FER1L6: variants seen among roughly 807,000 people sequenced by gnomAD.
FER1L6 encodes the protein fer-1-like protein 6.
In FER1L6, 177 loss-of-function variants were observed where a neutral mutation model predicts 219.2. The ratio of observed to expected loss-of-function variants is 0.81; its 90% CI spans 0.71 to 0.91. The LOEUF is 0.91. Ranked by LOEUF, FER1L6 falls within the 40% of genes least tolerant of loss-of-function variation. The pLI is 0.00. For synonymous variants in FER1L6, 768 were observed against 824.3 expected, an observed-to-expected ratio of 0.93 and a Z score of 1.17; for missense variants, 2,153 against 2,259.9, an observed-to-expected ratio of 0.95 and a Z score of 0.96.
chr8:124,114,935 T>C (rs1823181485), intron 39 of FER1L6, among the ~76,000 whole-genome samples: 1 of 98,082 alleles, frequency 1.0e-5, no homozygotes, highest in Non-Finnish European at 2.3e-5. Flanking sequence ...ATATATATAT[T>C]CCTTTTCCTA....
intron 7 of FER1L6, among the ~76,000 whole-genome samples, chr8:123,973,790 A>T (rs912944096): frequency 6.6e-6 from 1 of 152,194 alleles, no homozygotes; most frequent in Admixed American, 6.5e-5. Context: ...GGAACTAAGA[A>T]TACAGACTCT....
intron 40 of FER1L6, 39 bp from the exon 41 acceptor site, chr8:124,119,568 G>A (rs777883107): frequency 2.2e-6 from 3 of 1,355,800 alleles, no homozygotes; most frequent in Admixed American, 3.4e-5. Context: ...AGTGTTGACA[G>A]GATGCCCCCT....
At chr8:124,097,411 A>G (rs752379160) in intron 36 of FER1L6, 52 bp downstream of exon 36, 10 of 1,284,596 alleles carry the variant, frequency 7.8e-6, no homozygotes, top group Admixed American at 3.6e-5. Flanking sequence ...GTAGCAGATG[A>G]AAGAATCATG....
chr8:124,057,109 G>A (rs1033683927), intron 22 of FER1L6, among the ~76,000 whole-genome samples: 1 of 152,114 alleles, frequency 6.6e-6, no homozygotes, highest in African/African-American at 2.4e-5. Context: ...CCCTCAAGAC[G>A]ATCTCCTCAA....
chr8:123,968,308 AG>A (rs1389553302), intron 5 of FER1L6, among the ~76,000 whole-genome samples: 2 of 152,230 alleles, frequency 1.3e-5, no homozygotes, highest in Non-Finnish European at 2.9e-5. Flanking sequence ...TGTAACCGGT[AG>A]AAAAATCACA....
intron 1 of FER1L6, among the ~76,000 whole-genome samples, chr8:123,871,649 A>G (rs1388079398): frequency 6.6e-6 from 1 of 152,246 alleles, no homozygotes; most frequent in Non-Finnish European, 1.5e-5. Flanking sequence ...CATTCAAAAA[A>G]TTCCAAATTA....
At chr8:124,033,040 G>T (rs570964821) in intron 18 of FER1L6, among the ~76,000 whole-genome samples, 1 of 152,302 alleles carries the variant, frequency 6.6e-6, no homozygotes, top group East Asian at 1.9e-4. Context: ...CTATGATTTG[G>T]TGATAGCTTG....
At chr8:124,010,973 G>C (rs1374226408) in intron 14 of FER1L6, among the ~76,000 whole-genome samples, 1 of 151,978 alleles carries the variant, frequency 6.6e-6, no homozygotes, top group Non-Finnish European at 1.5e-5. Flanking sequence ...TCTAGGTATG[G>C]GCTGTTTTTC....
At chr8:124,037,503 G>C (rs1819272431) in intron 19 of FER1L6, among the ~76,000 whole-genome samples, 1 of 152,226 alleles carries the variant, frequency 6.6e-6, no homozygotes, top group East Asian at 1.9e-4. Flanking sequence ...AGTGGGGACA[G>C]ACTTAGAATT....
intron 23 of FER1L6, 31 bp downstream of exon 23, chr8:124,060,321 T>C (rs148870122): frequency 6.2e-7 from 1 of 1,604,528 alleles, no homozygotes; most frequent in African/African-American, 1.3e-5. Flanking sequence ...TGAGTTGTTC[T>C]TTGGCACTCA....
intron 33 of FER1L6, among the ~76,000 whole-genome samples, chr8:124,088,185 A>G (rs1821861976): frequency 6.6e-6 from 1 of 152,110 alleles, no homozygotes; most frequent in African/African-American, 2.4e-5. Context: ...CAAGGGCTGG[A>G]GTTAGGAACC....
At chr8:123,981,316 A>G (rs1816318624) in intron 11 of FER1L6, among the ~76,000 whole-genome samples, 1 of 152,122 alleles carries the variant, frequency 6.6e-6, no homozygotes, top group South Asian at 2.1e-4. Flanking sequence ...CTCACCATGA[A>G]GCATGTTAGC....
intron 33 of FER1L6, among the ~76,000 whole-genome samples, chr8:124,085,146 TTTTA>T (rs1489006012): frequency 2.0e-5 from 3 of 152,106 alleles, no homozygotes; most frequent in Non-Finnish European, 4.4e-5. Context: ...TTGTCTGTAA[TTTTA>T]TTTATTTAGG....
chr8:123,890,970 G>T (rs535186940), intron 1 of FER1L6, among the ~76,000 whole-genome samples: 1 of 151,972 alleles, frequency 6.6e-6, no homozygotes, highest in Admixed American at 6.6e-5. Flanking sequence ...TTGTGATATG[G>T]GTACAAAGTT....
intron 12 of FER1L6, among the ~76,000 whole-genome samples, chr8:123,988,904 G>C (rs1024183010): frequency 2.6e-5 from 4 of 152,052 alleles, no homozygotes; most frequent in African/African-American, 2.4e-5. Flanking sequence ...TCTTCTTCCA[G>C]ATCTTAAAGG....
rs776313780 is a variant in FER1L6 at position 123,980,501 on chromosome 8, T to C, written c.1100T>C (p.Leu367Pro). ...LPTFGPAWIN[L>P]YGSPRNHSLM... Reference sequence around the variant, plus strand: ...ACCTTTGGGCCTGCCTGGATTAACCTGTATGGCTCGCCCAGGAACCACAGT... The same window carrying C: ...ACCTTTGGGCCTGCCTGGATTAACCCGTATGGCTCGCCCAGGAACCACAGT... Residue 367 changes from leucine (L) to proline (P), a missense_variant, in exon 11 of 41, where the codon CTG (leucine) becomes CCG (proline). Transcript: ENST00000522917. 1 of 1,614,128 alleles carries C rather than the reference T, an allele frequency of 6.2e-7. No individual in the cohort carries two copies. Among genetic ancestry groups the C allele is most frequent in the Non-Finnish European group, 8.5e-7 (1 of 1,179,986 alleles).
intron 17 of FER1L6, among the ~76,000 whole-genome samples, chr8:124,022,395 T>C (rs190843535): frequency 6.6e-6 from 1 of 152,350 alleles, no homozygotes; most frequent in Admixed American, 6.5e-5. Flanking sequence ...GTCAAACCCT[T>C]GTTTAAAACA....
rs1586341022 is a variant in FER1L6, at chr8:124,101,232, C to G, written c.5019C>G (p.Thr1673=). The change falls in exon 38 of 41, where the codon ACC becomes ACG. Residue 1673 remains threonine, a synonymous_variant. Transcript: ENST00000522917. ...CAGCTGAGAAGCAAATGGTCATTAC[C>G]AAGAGGGAGAACATCTTCTCTTTAG... ...YLPAEKQMVI[T]KRENIFSLEK... is the part of the protein sequence containing the mutation. 6.2e-7 allele frequency: 1 copy of G among 1,613,742 alleles called. No individual in the cohort carries two copies. The highest frequency in any genetic ancestry group is 8.5e-7 in the Non-Finnish European group (1 of 1,179,946).
Position 124,091,480 on chromosome 8 carries a change from C to G in FER1L6, c.4449C>G (p.Leu1483=), listed in dbSNP as rs759821366. ...AACCCACCGAAATCCTCACTAAGCT[C>G]TGCAAAGACAACAAGCTGGATGGAC... ...TSKPTEILTK[L]CKDNKLDGPY... Residue 1483 remains leucine, a synonymous_variant, in exon 34 of 41, where the codon CTC becomes CTG. Coordinates refer to ENST00000522917, the MANE Select transcript of FER1L6 (RefSeq NM_001039112.2). The G allele has an allele frequency of 1.9e-6, 3 of 1,613,966 alleles. No homozygotes were observed. Among genetic ancestry groups the G allele is most frequent in the Non-Finnish European group, 2.5e-6 (3 of 1,179,822 alleles).
Sources: allele counts gnomAD v4.1 joint callset (sites outside exome capture counted in the v4.1 genomes callset), GRCh38; gene constraint gnomAD v4.1.1; transcripts MANE v1.5; gene names NCBI Gene and HGNC (gene_info 2026-07-23, HGNC 2026-07-21).